NEGR1: variants seen among roughly 807,000 people sequenced by gnomAD.
NEGR1 encodes the protein neuronal growth regulator 1.
NEGR1 carries 10 observed loss-of-function variants against 40.9 expected under a neutral mutation model. The observed-to-expected ratio is 0.24, with a 90% CI of 0.15 to 0.42. The LOEUF (loss-of-function observed/expected upper bound fraction) is 0.42. NEGR1 is among the 10% of genes least tolerant of loss of function. NEGR1 has a pLI of 1.00. For synonymous variants in NEGR1, 185 were observed against 166.8 expected (o/e 1.11, Z -0.84); for missense variants, 352 against 438.9 (o/e 0.80, Z 1.77).
chr1:71,584,336 C>T (rs1345142306), intron 6 of NEGR1, among the ~76,000 whole-genome samples: 1 of 152,016 alleles, frequency 6.6e-6, no homozygotes, highest in Non-Finnish European at 1.5e-5. Flanking sequence ...GTTAATTCCT[C>T]CTCTTTTTAC....
intron 1 of NEGR1, among the ~76,000 whole-genome samples, chr1:72,183,315 G>A (rs1195864991): frequency 6.6e-6 from 1 of 152,054 alleles, no homozygotes; most frequent in Non-Finnish European, 1.5e-5. Context: ...CTAGAACTGA[G>A]ACATTTCTTA....
intron 1 of NEGR1, among the ~76,000 whole-genome samples, chr1:72,105,742 G>C (rs1649110646): frequency 6.6e-6 from 1 of 152,056 alleles, no homozygotes; most frequent in Admixed American, 6.6e-5. Flanking sequence ...AGCATCAAAG[G>C]AATGGGTAGG....
intron 6 of NEGR1, among the ~76,000 whole-genome samples, chr1:71,544,720 CA>C (rs1647831604): frequency 6.6e-6 from 1 of 151,598 alleles, no homozygotes; most frequent in Non-Finnish European, 1.5e-5. Context: ...GTTGGTGAGA[CA>C]GGGGAGAGGC....
At chr1:71,671,908 T>G (rs1652449121) in intron 4 of NEGR1, among the ~76,000 whole-genome samples, 2 of 149,712 alleles carry the variant, frequency 1.3e-5, no homozygotes, top group Admixed American at 6.6e-5. Flanking sequence ...TTTTTTTTTT[T>G]TTTGTTTTAA....
At chr1:71,571,247 T>C (rs191778058) in intron 6 of NEGR1, among the ~76,000 whole-genome samples, 114 of 152,330 alleles carry the variant, frequency 7.5e-4, no homozygotes, top group Middle Eastern at 3.4e-3. Context: ...GGAGGAGCCA[T>C]ATGTGTTTAT....
At chr1:72,118,343 T>G (rs1649660165) in intron 1 of NEGR1, among the ~76,000 whole-genome samples, 1 of 151,832 alleles carries the variant, frequency 6.6e-6, no homozygotes, top group Non-Finnish European at 1.5e-5. Flanking sequence ...TTTGTACTAT[T>G]TTGTACTGTG....
At chr1:72,204,819 A>G (rs1653337152) in intron 1 of NEGR1, among the ~76,000 whole-genome samples, 1 of 152,164 alleles carries the variant, frequency 6.6e-6, no homozygotes, top group Admixed American at 6.6e-5. Context: ...TTGTAATTAA[A>G]TATGTTAATA....
chr1:71,684,041 C>T (rs773187105), intron 4 of NEGR1, among the ~76,000 whole-genome samples: 16 of 152,042 alleles, frequency 1.1e-4, no homozygotes, highest in Non-Finnish European at 1.9e-4. Context: ...GATGCCCAGG[C>T]GGGCAGATCA....
At chr1:71,898,344 G>A (rs1243156781) in intron 2 of NEGR1, among the ~76,000 whole-genome samples, 3 of 152,060 alleles carry the variant, frequency 2.0e-5, no homozygotes, top group South Asian at 4.1e-4. Context: ...GGCCGGGCGC[G>A]GTGGTTCACG....
intron 5 of NEGR1, among the ~76,000 whole-genome samples, chr1:71,599,037 G>A (rs1410923568): frequency 2.0e-5 from 3 of 152,124 alleles, no homozygotes; most frequent in Non-Finnish European, 4.4e-5. Flanking sequence ...ATTGTTGCAT[G>A]CTTGTCTGAA....
chr1:71,649,486 CAAGAT>C (rs1651639237), intron 4 of NEGR1, among the ~76,000 whole-genome samples: 1 of 151,980 alleles, frequency 6.6e-6, no homozygotes, highest in South Asian at 2.1e-4. Flanking sequence ...TGCACTTCTA[CAAGAT>C]ACCATTTAGC....
chr1:71,605,238 T>C (rs1035115929), intron 5 of NEGR1, among the ~76,000 whole-genome samples: 4 of 152,196 alleles, frequency 2.6e-5, no homozygotes, highest in African/African-American at 4.8e-5. Context: ...GTATAGGGTA[T>C]AATGTAGTGT....
chr1:71,552,259 T>C (rs1648108785), intron 6 of NEGR1, among the ~76,000 whole-genome samples: 2 of 151,084 alleles, frequency 1.3e-5, no homozygotes, highest in Admixed American at 1.3e-4. Flanking sequence ...TTAACTCTAA[T>C]GTTTTCCTTT....
chr1:72,143,146 G>T (rs1040637242), intron 1 of NEGR1, among the ~76,000 whole-genome samples: 6 of 151,856 alleles, frequency 4.0e-5, no homozygotes, highest in Admixed American at 3.9e-4. Context: ...GTTGGAAGCC[G>T]AGAGGCTCAA....
At chr1:71,647,614 A>G (rs1410209675) in intron 4 of NEGR1, among the ~76,000 whole-genome samples, 1 of 151,900 alleles carries the variant, frequency 6.6e-6, no homozygotes, top group Non-Finnish European at 1.5e-5. Flanking sequence ...CACAGTGACC[A>G]TTCAACGATT....
chr1:71,662,040 A>T (rs1652074682), intron 4 of NEGR1, among the ~76,000 whole-genome samples: 1 of 152,256 alleles, frequency 6.6e-6, no homozygotes, highest in South Asian at 2.1e-4. Flanking sequence ...TGTCTGGCAC[A>T]TAATAAATGG....
At chr1:71,451,141 G>A (rs1440884298) in intron 6 of NEGR1, among the ~76,000 whole-genome samples, 7 of 152,094 alleles carry the variant, frequency 4.6e-5, no homozygotes, top group African/African-American at 1.7e-4. Flanking sequence ...AGAGTACTTG[G>A]GTGCTCCCTT....
intron 1 of NEGR1, among the ~76,000 whole-genome samples, chr1:72,281,247 C>T (rs183805357): frequency 1.7e-4 from 25 of 148,962 alleles, no homozygotes; most frequent in African/African-American, 6.3e-4. Flanking sequence ...AAGAGAGAAG[C>T]AGAGACAGAG....
At chr1:71,930,720 G>T (rs1645847575) in intron 2 of NEGR1, among the ~76,000 whole-genome samples, 1 of 152,186 alleles carries the variant, frequency 6.6e-6, no homozygotes, top group Non-Finnish European at 1.5e-5. Context: ...AAACAAGACA[G>T]AGTTTAGAGT....
Sources: gnomAD v4.1 joint callset for allele counts (sites outside exome capture counted in the v4.1 genomes callset) on GRCh38, gnomAD v4.1.1 for gene constraint, MANE v1.5 for transcripts, NCBI Gene and HGNC (gene_info 2026-07-23, HGNC 2026-07-21) for gene names.